The following BCL11B variants were observed in gnomAD, a reference collection of about 807,000 sequenced individuals.
BCL11B encodes the protein B-cell lymphoma/leukemia 11B.
BCL11B carries 8 observed loss-of-function variants against 49.9 expected under a neutral mutation model. The observed-to-expected ratio is 0.16, with a 90% CI of 0.09 to 0.29. The LOEUF (loss-of-function observed/expected upper bound fraction) is 0.29, where lower values mean the gene tolerates loss of function less well. BCL11B is among the 10% of genes least tolerant of loss of function. The pLI is 1.00. For synonymous variants in BCL11B, 739 were observed against 637.4 expected (o/e 1.16, Z -2.40); for missense variants, 1,006 against 1,351.0 (o/e 0.74, Z 4.00).
rs1889349537 is a variant in BCL11B, at chr14:99,261,947, G to A, written c.59-4108C>T. Among the ~76,000 whole-genome samples the A allele has an allele frequency of 2.0e-5, 3 of 152,236 alleles. No individual in the cohort carries two copies. In the South Asian group the frequency reaches 6.2e-4, roughly 32 times the overall value. On this transcript the variant is annotated intron_variant, in intron 1 of 3. Transcript: ENST00000357195. The stretch of plus-strand genomic sequence containing the variant: ...AACAAAACCACATTTTATTTACAAG[G>A]CCAGGCCTCCTCCCAGCTGGTAAAT...
chr14:99,217,082 ACCC>A (rs1414229538), intron 3 of BCL11B, among the ~76,000 whole-genome samples: 3 of 152,136 alleles, frequency 2.0e-5, no homozygotes, highest in Non-Finnish European at 2.9e-5. Context: ...ACACATGCAC[ACCC>A]CCACATTCAC....
chr14:99,179,730 T>C (rs1463014860), intron 3 of BCL11B, among the ~76,000 whole-genome samples: 1 of 152,114 alleles, frequency 6.6e-6, no homozygotes, highest in Non-Finnish European at 1.5e-5. Context: ...ATCTGAAGCC[T>C]TCCGATATCC....
At chr14:99,189,484 G>A (rs1017842510) in intron 3 of BCL11B, among the ~76,000 whole-genome samples, 3 of 152,188 alleles carry the variant, frequency 2.0e-5, no homozygotes, top group African/African-American at 4.8e-5. Context: ...GGGCACACAC[G>A]CACACCCACA....
chr14:99,207,123 A>C (rs556884519), intron 3 of BCL11B, among the ~76,000 whole-genome samples: 9 of 152,204 alleles, frequency 5.9e-5, no homozygotes, highest in Non-Finnish European at 1.0e-4. Flanking sequence ...CTAGGTTTTT[A>C]TGCAATGCAG....
At chr14:99,246,140 AC>A (rs910340957) in intron 2 of BCL11B, among the ~76,000 whole-genome samples, 7 of 147,836 alleles carry the variant, frequency 4.7e-5, no homozygotes, top group Admixed American at 6.7e-5. Flanking sequence ...CGACTCGCCC[AC>A]CCCCCGCCTT....
At chr14:99,216,134 A>C (rs972940325) in intron 3 of BCL11B, among the ~76,000 whole-genome samples, 2 of 152,256 alleles carry the variant, frequency 1.3e-5, no homozygotes, top group African/African-American at 4.8e-5. Context: ...CGCACAATGT[A>C]ACAGAGAAAG....
At chr14:99,261,334 C>A (rs1889332870) in intron 1 of BCL11B, among the ~76,000 whole-genome samples, 1 of 152,194 alleles carries the variant, frequency 6.6e-6, no homozygotes, top group African/African-American at 2.4e-5. Flanking sequence ...GCATGTGTCC[C>A]TCCTTAGAAC....
rs375673357 is a variant in BCL11B at position 99,257,568 on chromosome 14, G to A, written c.330C>T (p.Ser110=). 2.9e-5 allele frequency: 46 copies of A among 1,613,970 alleles called. No homozygotes were observed. The highest frequency in any genetic ancestry group is 3.8e-5 in the Non-Finnish European group (45 of 1,179,974). The change falls in exon 2 of 4, where the codon TCC becomes TCT. Residue 110 remains serine, a synonymous_variant. Transcript: ENST00000357195. This position sits in a 1 kb window ranked among gnomAD's most constrained non-coding sequence, Gnocchi z 6.2. Reference sequence around the variant, plus strand: ...CTTGGATCCCGATCTCCACCGGCTCGGACACTTTCCTGAGCTCGGAGCGTG... The same window carrying A: ...CTTGGATCCCGATCTCCACCGGCTCAGACACTTTCCTGAGCTCGGAGCGTG... The part of the protein sequence containing the change: ...PSSRSELRKV[S]EPVEIGIQVT...
chr14:99,180,240 C>T (rs926785778), intron 3 of BCL11B, among the ~76,000 whole-genome samples: 1 of 152,164 alleles, frequency 6.6e-6, no homozygotes, highest in Non-Finnish European at 1.5e-5. Flanking sequence ...TATTTAGAAG[C>T]GATTTACCCA....
intron 2 of BCL11B, among the ~76,000 whole-genome samples, chr14:99,249,127 C>T (rs1036306333): frequency 7.8e-4 from 118 of 152,202 alleles, no homozygotes; most frequent in Non-Finnish European, 1.2e-3. Flanking sequence ...CACCAAGATT[C>T]GACCTCAGAG....
rs1566828696 is a variant in BCL11B at position 99,247,279 on chromosome 14, C to T, written c.427+10192G>A. On this transcript the variant is annotated intron_variant, in intron 2 of 3. Transcript: ENST00000357195. The surrounding 1 kb of genome is among the most constrained non-coding windows in gnomAD (Gnocchi z 4.5). ...ACAAGCCAATGATGCAGAGAGAAGA[C>T]CACACTGTTTAGCTTTCTTAATTGG... Among the ~76,000 whole-genome samples, 1 of 152,176 alleles carries T rather than the reference C, an allele frequency of 6.6e-6. No individual in the cohort carries two copies. Among genetic ancestry groups the T allele is most frequent in the African/African-American group, 2.4e-5 (1 of 41,438 alleles).
At chr14:99,202,004 G>A (rs1373107644) in intron 3 of BCL11B, among the ~76,000 whole-genome samples, 2 of 152,104 alleles carry the variant, frequency 1.3e-5, no homozygotes, top group Non-Finnish European at 2.9e-5. Flanking sequence ...TTTCGGTAGA[G>A]ACAGTTCACT....
chr14:99,218,232 ATT>A lies in BCL11B; in HGVS notation c.640+13111_640+13112del, dbSNP rs34932370. Reference sequence around the variant, plus strand: ...AGGCACCCGCCACCATGCCTGGCTAATTTTTTTTTTTTTTTTTTTTTGTATTT... The same window carrying A: ...AGGCACCCGCCACCATGCCTGGCTAATTTTTTTTTTTTTTTTTTTGTATTT... On this transcript the variant is annotated intron_variant, in intron 3 of 3. Coordinates refer to ENST00000357195, the MANE Select transcript of BCL11B (RefSeq NM_138576.4). Among the ~76,000 whole-genome samples the A allele has an allele frequency of 3.2e-4, 36 of 112,872 alleles. No individual in the cohort carries two copies. The Admixed American group carries it at 3.3e-3, about 10-fold the overall frequency. 74.0% of individuals were successfully genotyped at this position (112,872 alleles called of 152,430 possible).
rs193058432 is a variant in BCL11B, at chr14:99,249,062, A to C, written c.427+8409T>G. 3.9e-3 allele frequency among the ~76,000 whole-genome samples: 593 copies of C among 152,300 alleles called. 17 individuals carry two copies. The highest frequency in any genetic ancestry group is 0.034 in the Admixed American group (525 of 15,298). ...ATGAAACCACAGATGTGTGCAGGAC[A>C]GGTGGGTGCCTACTGTCTTGGTTCT... On this transcript the variant is annotated intron_variant, in intron 2 of 3. Transcript: ENST00000357195.
rs1886260911 is a variant in BCL11B at position 99,170,674 on chromosome 14, C to T, written c.*3477G>A. 4.3e-6 allele frequency: 1 copy of T among 233,162 alleles called. No individual in the cohort carries two copies. The highest frequency in any genetic ancestry group is 1.8e-4 in the South Asian group (1 of 5,508). 14.4% of individuals were successfully genotyped at this position (233,162 alleles called of 1,614,324 possible). On this transcript the variant is annotated 3_prime_UTR_variant, in exon 4 of 4. Transcript: ENST00000357195. ...AGGCACCAAATTCATCCCAGGCCCT[C>T]GCATTCGGAAACTGACGGAATGTAG...
chr14:99,197,209 G>A (rs1887202181), intron 3 of BCL11B, among the ~76,000 whole-genome samples: 1 of 152,096 alleles, frequency 6.6e-6, no homozygotes, highest in Admixed American at 6.5e-5. Context: ...CACTGTCTAG[G>A]GATACAGTTG....
intron 2 of BCL11B, among the ~76,000 whole-genome samples, chr14:99,246,892 G>A (rs574247086): frequency 6.6e-6 from 1 of 152,310 alleles, no homozygotes; most frequent in East Asian, 1.9e-4. Context: ...AAACGTCGGG[G>A]AAACCGGAAA....
At chr14:99,249,898 C>T (rs1167051430) in intron 2 of BCL11B, among the ~76,000 whole-genome samples, 1 of 151,938 alleles carries the variant, frequency 6.6e-6, no homozygotes, top group African/African-American at 2.4e-5. Flanking sequence ...GAGGCCGAGG[C>T]GGGTGGATCA....
rs1245547595 is a variant in BCL11B, at chr14:99,172,086, T to TA, written c.*2064dup. On this transcript the variant is annotated 3_prime_UTR_variant, in exon 4 of 4. Transcript: ENST00000357195. ...ACACACATACACACAATTTTTTTTT[T>TA]ACCCTTGTATGTACCCAATACTGTA... 1 of 220,380 alleles carries TA rather than the reference T, an allele frequency of 4.5e-6. No individual in the cohort carries two copies. Among genetic ancestry groups the TA allele is most frequent in the Non-Finnish European group, 9.1e-6 (1 of 109,852 alleles). 13.7% of individuals were successfully genotyped at this position (220,380 alleles called of 1,614,324 possible). A position where few individuals can be genotyped will look rare whatever the true frequency, so the allele number is the denominator to read the frequency against.
Sources: gnomAD v4.1 joint callset for allele counts (sites outside exome capture counted in the v4.1 genomes callset) on GRCh38, gnomAD v4.1.1 for gene constraint, Gnocchi (gnomAD v3.1) non-coding constraint, MANE v1.5 for transcripts, NCBI Gene and HGNC (gene_info 2026-07-23, HGNC 2026-07-21) for gene names.